ANKRD26: variants seen among roughly 807,000 people sequenced by gnomAD.
ANKRD26 encodes the protein ankyrin repeat domain-containing protein 26.
Under a neutral mutation model 208.7 loss-of-function variants are expected in ANKRD26, and 141 were observed. The observed-to-expected ratio is 0.68, with a 90% CI of 0.59 to 0.78. ANKRD26 has a LOEUF of 0.78. Ranked by LOEUF, ANKRD26 falls within the 30% of genes least tolerant of loss-of-function variation. ANKRD26 has a pLI of 0.00. For synonymous variants in ANKRD26, 636 were observed against 660.4 expected (o/e 0.96, Z 0.57); for missense variants, 1,889 against 1,938.7 (o/e 0.97, Z 0.48).
chr10:26,982,597 T>A (rs75926640), intron 4 of ANKRD26, among the ~76,000 whole-genome samples: 3,698 of 140,574 alleles, frequency 0.026, 132 homozygotes, highest in African/African-American at 0.09. Flanking sequence ...CATGGAGATT[T>A]AAAAAAAAAA....
At chr10:27,059,669 G>A (rs1564399994) in intron 15 of ANKRD26, among the ~76,000 whole-genome samples, 1 of 152,000 alleles carries the variant, frequency 6.6e-6, no homozygotes, top group Non-Finnish European at 1.5e-5. Flanking sequence ...CTAGCACTTT[G>A]GGAGGCTAAA....
chr10:26,989,478 G>A (rs890916922), downstream of ANKRD26, among the ~76,000 whole-genome samples: 5 of 152,180 alleles, frequency 3.3e-5, no homozygotes, highest in African/African-American at 1.2e-4. Context: ...GAAGATTGCA[G>A]CCCAAAAGAT....
At chr10:27,032,418 T>C (rs1023374750) in intron 25 of ANKRD26, among the ~76,000 whole-genome samples, 15 of 152,104 alleles carry the variant, frequency 9.9e-5, no homozygotes, top group African/African-American at 3.6e-4. Context: ...GTGGATCACC[T>C]GAGGTTAGGA....
At chr10:27,042,815 A>G (rs1046314031) in intron 20 of ANKRD26, among the ~76,000 whole-genome samples, 5 of 149,408 alleles carry the variant, frequency 3.3e-5, no homozygotes, top group Admixed American at 3.3e-4. Context: ...AAAAAAAAAA[A>G]AAAAGCTGGG....
At chr10:26,973,462 T>G (rs1397854114), downstream of ANKRD26, among the ~76,000 whole-genome samples, 1 of 151,806 alleles carries the variant, frequency 6.6e-6, no homozygotes, top group East Asian at 1.9e-4. Context: ...TTTCCTTTTT[T>G]TTTTTACTTT....
chr10:27,052,268 C>T (rs909239509), intron 16 of ANKRD26: 20 of 779,442 alleles, frequency 2.6e-5, no homozygotes, highest in Middle Eastern at 6.5e-4. Context: ...AACTAATTTG[C>T]CTTAGCCTAA....
At chr10:27,097,665 T>C (rs527903788) in intron 1 of ANKRD26, among the ~76,000 whole-genome samples, 18 of 151,736 alleles carry the variant, frequency 1.2e-4, no homozygotes, top group African/African-American at 1.9e-4. Flanking sequence ...GTTTTGTTTT[T>C]TTGAGATGGA....
chr10:26,987,420 T>A (rs1284052841), downstream of ANKRD26, among the ~76,000 whole-genome samples: 3 of 152,176 alleles, frequency 2.0e-5, no homozygotes, highest in Non-Finnish European at 4.4e-5. Context: ...CCCTAAAACT[T>A]AAAGTATTCA....
At chr10:27,080,589 T>C in intron 6 of ANKRD26, 1 of 966,438 alleles carries the variant, frequency 1.0e-6, no homozygotes, top group Non-Finnish European at 1.2e-6. Flanking sequence ...TCCTGGTAGT[T>C]GTACCTATAT....
downstream of ANKRD26, among the ~76,000 whole-genome samples, chr10:26,968,818 A>G (rs2052105325): frequency 6.6e-6 from 1 of 152,214 alleles, no homozygotes; most frequent in African/African-American, 2.4e-5. Flanking sequence ...TAAAACAACT[A>G]TTGCTGTAAT....
chr10:27,012,630 A>G (rs1466618527), intron 32 of ANKRD26, among the ~76,000 whole-genome samples: 1 of 152,034 alleles, frequency 6.6e-6, no homozygotes, highest in Non-Finnish European at 1.5e-5. Flanking sequence ...GCCTGGCAAT[A>G]TGTGAAACCC....
chr10:27,092,059 T>TA (rs2056318415), intron 4 of ANKRD26, among the ~76,000 whole-genome samples: 1 of 151,990 alleles, frequency 6.6e-6, no homozygotes, highest in Non-Finnish European at 1.5e-5. Context: ...GAAACCTCTT[T>TA]AGCTAACAGA....
intron 20 of ANKRD26, 62 bp downstream of exon 20, chr10:27,043,364 T>C: frequency 6.4e-7 from 1 of 1,564,874 alleles, no homozygotes; most frequent in Non-Finnish European, 8.8e-7. Context: ...CATACATTTA[T>C]TACATTACAT....
intron 1 of ANKRD26, 128 bp from the exon 2 acceptor site, chr10:27,093,927 T>G: frequency 1.2e-6 from 1 of 803,584 alleles, no homozygotes. Flanking sequence ...AAATCTCATC[T>G]TGGCTGTGTC....
the ANKRD26 span, among the ~76,000 whole-genome samples, chr10:26,957,557 A>G: frequency 6.6e-6 from 1 of 152,222 alleles, no homozygotes; most frequent in Non-Finnish European, 1.5e-5. Context: ...CATTCTGGAA[A>G]TAAAGCAAGA....
intron 4 of ANKRD26, among the ~76,000 whole-genome samples, chr10:26,996,290 A>G (rs2052590389): frequency 6.6e-6 from 1 of 152,162 alleles, no homozygotes; most frequent in Admixed American, 6.5e-5. Flanking sequence ...GGCCGGGCAC[A>G]GTGGCTCATG....
chr10:27,040,169 C>A lies in ANKRD26; in HGVS notation c.2171G>T (p.Ser724Ile). Residue 724 changes from serine (S) to isoleucine (I), a missense_variant, in exon 21 of 34, where the codon AGC becomes ATC. Coordinates refer to ENST00000376087, the MANE Select transcript of ANKRD26 (RefSeq NM_014915.3). ...QLGMECKDSV[S>I]LLKIQDAALS... ...AGCTGCATCCTGGATTTTCAATAGG[C>A]TAACAGAATCTGTATCAGGAAGAAA... 1 of 1,609,210 alleles carries A rather than the reference C, an allele frequency of 6.2e-7. No homozygotes were observed. Among genetic ancestry groups the A allele is most frequent in the Non-Finnish European group, 8.5e-7 (1 of 1,176,722 alleles).
At chr10:26,987,391 T>C (rs1564333346), downstream of ANKRD26, among the ~76,000 whole-genome samples, 1 of 152,226 alleles carries the variant, frequency 6.6e-6, no homozygotes, top group Non-Finnish European at 1.5e-5. Context: ...GTAACAAACC[T>C]GCACGTTATG....
At chr10:26,987,472 A>C (rs2052410068), downstream of ANKRD26, among the ~76,000 whole-genome samples, 1 of 152,202 alleles carries the variant, frequency 6.6e-6, no homozygotes, top group South Asian at 2.1e-4. Flanking sequence ...GACCAGCTTC[A>C]ATTACCTCTA....
Sources: allele counts gnomAD v4.1 joint callset (sites outside exome capture counted in the v4.1 genomes callset), GRCh38; gene constraint gnomAD v4.1.1; transcripts MANE v1.5; gene names NCBI Gene and HGNC (gene_info 2026-07-23, HGNC 2026-07-21).